Variants in EP400 observed in about 807,000 individuals in gnomAD.
The protein encoded by EP400 is E1A binding protein p400.
Under a neutral mutation model 354.1 loss-of-function variants are expected in EP400, and 105 were observed. The observed-to-expected ratio is 0.30, with a 90% CI of 0.25 to 0.35. The LOEUF (loss-of-function observed/expected upper bound fraction) is 0.35, where lower values mean the gene tolerates loss of function less well. Among genes scored for constraint, EP400 ranks in the 10% least tolerant of loss-of-function variants. The pLI is 1.00. For synonymous variants in EP400, 1,646 were observed against 1,716.9 expected (o/e 0.96, Z 1.02); for missense variants, 3,280 against 4,121.0 (o/e 0.80, Z 5.59).
chr12:132,001,325 C>T (rs997489744), intron 12 of EP400, among the ~76,000 whole-genome samples: 1 of 152,196 alleles, frequency 6.6e-6, no homozygotes. Context: ...ACAGGGGGCC[C>T]TCCCCTGCCT....
At chr12:131,959,596 G>A (rs1457894442) in intron 1 of EP400, among the ~76,000 whole-genome samples, 1 of 152,200 alleles carries the variant, frequency 6.6e-6, no homozygotes, top group East Asian at 1.9e-4. Flanking sequence ...TTGGGTTACA[G>A]CTCCTTTGAG....
At position 132,029,523 on chromosome 12, in the gene EP400, T is replaced by C; in HGVS notation, c.5382-178T>C. ...GGTTATTGGCCAGGACTGGTTAGGA[T>C]CTGCCTCGTTGGGCCCCTGCCCGTG... is the stretch of plus-strand genomic sequence containing the variant. On this transcript the variant is annotated intron_variant, in intron 27 of 52. Transcript: ENST00000389561. The surrounding 1 kb of genome is among the most constrained non-coding windows in gnomAD (Gnocchi z 4.7). 1 of 652,186 alleles carries C rather than the reference T, an allele frequency of 1.5e-6. No homozygotes were observed. The highest frequency in any genetic ancestry group is 2.7e-5 in the East Asian group (1 of 36,742). The allele number at this position is 652,186 out of a possible 1,614,324, so 40.4% of individuals were successfully genotyped here.
intron 2 of EP400, among the ~76,000 whole-genome samples, chr12:131,970,679 A>G (rs957558939): frequency 7.9e-5 from 12 of 152,236 alleles, no homozygotes; most frequent in Non-Finnish European, 1.3e-4. Context: ...GGGTTTAGAC[A>G]CACACCCACA....
chr12:131,965,897 G>A (rs1316374907), intron 2 of EP400, among the ~76,000 whole-genome samples: 1 of 152,104 alleles, frequency 6.6e-6, no homozygotes, highest in East Asian at 1.9e-4. Context: ...CCAGTTTTCA[G>A]AATTTGGGAA....
At chr12:132,048,828 G>T (rs1302386502) in intron 39 of EP400, among the ~76,000 whole-genome samples, 1 of 152,182 alleles carries the variant, frequency 6.6e-6, no homozygotes, top group African/African-American at 2.4e-5. Context: ...GGGATTACAG[G>T]CATGAACCAC....
chr12:131,975,555 T>A (rs1287973341), intron 2 of EP400, among the ~76,000 whole-genome samples: 1 of 149,806 alleles, frequency 6.7e-6, no homozygotes, highest in Non-Finnish European at 1.5e-5. Context: ...GATTTTTAAA[T>A]TTTTTTTTCT....
chr12:132,036,706 G>C (rs1188505639), intron 30 of EP400, among the ~76,000 whole-genome samples: 2 of 152,218 alleles, frequency 1.3e-5, no homozygotes, highest in Admixed American at 1.3e-4. Context: ...TTTTTGTTTT[G>C]TTTTGTTTCT....
In EP400 at chr12:132,046,704, C is replaced by G. The variant is rs535489003; in HGVS notation, c.7200+804C>G. ...ATGCCTTCCCTCGAGCTGAGTCATCCCTCTCTGTTCTGCATCTGGCTTTCT... is the reference window on the plus strand; with the variant it reads ...ATGCCTTCCCTCGAGCTGAGTCATCGCTCTCTGTTCTGCATCTGGCTTTCT... On this transcript the variant is annotated intron_variant, in intron 39 of 52. Coordinates refer to ENST00000389561, the MANE Select transcript of EP400 (RefSeq NM_015409.5). Among the ~76,000 whole-genome samples the G allele has an allele frequency of 7.9e-5, 12 of 152,304 alleles. No homozygotes were observed. In the East Asian group the frequency reaches 2.3e-3, roughly 29 times the overall value.
At position 131,960,707 on chromosome 12, in the gene EP400, G is replaced by GACCCCCCCC; in HGVS notation, c.88_89insACCCCCCCC (p.Ala30delinsAspProProPro). 3 of 1,545,590 alleles carry GACCCCCCCC rather than the reference G, an allele frequency of 1.9e-6. No homozygotes were observed. The highest frequency in any genetic ancestry group is 1.2e-5 in the South Asian group (1 of 83,348). On this transcript the variant is annotated protein_altering_variant, in exon 2 of 53. Transcript: ENST00000389561. ...TGGCAGCGAGGGTGAGGAGCAGCCG[G>GACCCCCCCC]CCCACCCCAACCCACCCCCGTCCCC...
chr12:132,014,392 C>T (rs904118602), intron 19 of EP400, among the ~76,000 whole-genome samples: 3 of 152,156 alleles, frequency 2.0e-5, no homozygotes, highest in African/African-American at 4.8e-5. Flanking sequence ...CATGTGATGG[C>T]CAGCCGCTGT....
At chr12:131,991,177 C>G (rs1893020658) in intron 9 of EP400, among the ~76,000 whole-genome samples, 1 of 152,148 alleles carries the variant, frequency 6.6e-6, no homozygotes, top group African/African-American at 2.4e-5. Context: ...ATTGTGTTCC[C>G]CCATTATTGA....
chr12:131,987,492 G>A (rs1212192048), intron 6 of EP400, among the ~76,000 whole-genome samples: 4 of 152,216 alleles, frequency 2.6e-5, no homozygotes, highest in Non-Finnish European at 5.9e-5. Flanking sequence ...AAGGCTCCTG[G>A]AAGGGTCACA....
At chr12:132,042,839 G>C (rs551669719) in intron 32 of EP400, among the ~76,000 whole-genome samples, 1 of 152,188 alleles carries the variant, frequency 6.6e-6, no homozygotes, top group African/African-American at 2.4e-5. Context: ...TACATTTCGC[G>C]GTGGACTTGC....
intron 32 of EP400, among the ~76,000 whole-genome samples, chr12:132,041,705 G>A (rs949348772): frequency 3.3e-5 from 5 of 152,122 alleles, no homozygotes; most frequent in Admixed American, 6.5e-5. Flanking sequence ...TGGCTGTGCC[G>A]GGGATGCTCC....
rs367831080 is a variant in EP400, at chr12:132,021,179, G to A, written c.4548G>A (p.Ala1516=). The change falls in exon 23 of 53, where the codon GCG becomes GCA. Residue 1516 remains alanine, a synonymous_variant. Coordinates refer to ENST00000389561, the MANE Select transcript of EP400 (RefSeq NM_015409.5). ...CAGCCGCTAGCCCGGCCCATCCTGC[G>A]AAACTGCGGGCCCAGACCACAGCAC... ...SSTAASPAHP[A]KLRAQTTAQA... The A allele has an allele frequency of 3.1e-6, 5 of 1,600,944 alleles. No individual in the cohort carries two copies. Among genetic ancestry groups the A allele is most frequent in the East Asian group, 2.2e-5 (1 of 44,860 alleles).
intron 25 of EP400, among the ~76,000 whole-genome samples, chr12:132,026,945 C>T (rs547953441): frequency 4.1e-4 from 63 of 152,204 alleles, no homozygotes; most frequent in Non-Finnish European, 7.3e-4. Flanking sequence ...TCAGGAGCAG[C>T]TCCAGGGAAC....
At position 132,057,759 on chromosome 12, in the gene EP400, G is replaced by A. The variant is rs539479315; in HGVS notation, c.7884+2551G>A. 3.3e-5 allele frequency among the ~76,000 whole-genome samples: 5 copies of A among 152,328 alleles called. No individual in the cohort carries two copies. In the South Asian group the frequency reaches 1.0e-3, roughly 32 times the overall value. On this transcript the variant is annotated intron_variant, in intron 45 of 52. Coordinates refer to ENST00000389561, the MANE Select transcript of EP400 (RefSeq NM_015409.5). ...AGATAGCAGAAGCTGTTAGGCCTGA[G>A]GCGTTTGGAACATCCCGTATGACCA...
intron 7 of EP400, 124 bp downstream of exon 7, chr12:131,988,014 AG>A: frequency 1.3e-6 from 1 of 751,466 alleles, no homozygotes; most frequent in Non-Finnish European, 1.8e-6. Flanking sequence ...TTTTTCCCCC[AG>A]ACAGGGTCTT....
intron 22 of EP400, 23 bp from the exon 23 acceptor site, chr12:132,021,056 C>G (rs936502904): frequency 6.4e-7 from 1 of 1,571,784 alleles, no homozygotes. Flanking sequence ...CAGCTTTGCA[C>G]AAACAAACCT....
Sources: gnomAD v4.1 joint callset for allele counts (sites outside exome capture counted in the v4.1 genomes callset) on GRCh38, gnomAD v4.1.1 for gene constraint, Gnocchi (gnomAD v3.1) non-coding constraint, MANE v1.5 for transcripts, NCBI Gene and HGNC (gene_info 2026-07-23, HGNC 2026-07-21) for gene names.